The following MDFIC2 variants were observed in gnomAD, a reference collection of about 807,000 sequenced individuals.
The protein encoded by MDFIC2 is MyoD family inhibitor domain containing 2.
chr3:70,244,061 C>T (rs1701683310), intron 2 of MDFIC2, among the ~76,000 whole-genome samples: 2 of 152,166 alleles, frequency 1.3e-5, no homozygotes. Context: ...ACAGATTTTC[C>T]ACCGTAACTA....
At chr3:70,290,323 A>G (rs1004223007) in intron 2 of MDFIC2, among the ~76,000 whole-genome samples, 4 of 149,022 alleles carry the variant, frequency 2.7e-5, no homozygotes, top group South Asian at 2.2e-4. Flanking sequence ...CCTGCAGTGT[A>G]AGGTGTCAGT....
rs187697000 is a variant in MDFIC2, at chr3:70,306,575, A to T, written c.88+5311T>A. 2.7e-5 allele frequency among the ~76,000 whole-genome samples: 4 copies of T among 150,808 alleles called. 1 individual carries two copies. The highest frequency in any genetic ancestry group is 9.7e-5 in the African/African-American group (4 of 41,090). On this transcript the variant is annotated intron_variant, in intron 2 of 3. Coordinates refer to ENST00000567252, the MANE Select transcript of MDFIC2 (RefSeq NM_001364677.1). ...AAAGCTTGTTTATTGCCCATTCCCC[A>T]CCCCCTATTTTTTTTATCATTTTTT...
chr3:70,262,460 T>C (rs185863202), intron 2 of MDFIC2, among the ~76,000 whole-genome samples: 1 of 152,286 alleles, frequency 6.6e-6, no homozygotes, highest in Non-Finnish European at 1.5e-5. Flanking sequence ...ATAAGACCAG[T>C]TATAGTAAAT....
chr3:70,217,691 A>G (rs573310597), intron 2 of MDFIC2, among the ~76,000 whole-genome samples: 6 of 152,256 alleles, frequency 3.9e-5, no homozygotes, highest in Admixed American at 3.3e-4. Flanking sequence ...GTAATCTGAA[A>G]TCTCTTGCAT....
At chr3:70,304,820 A>G (rs1056035441) in intron 2 of MDFIC2, among the ~76,000 whole-genome samples, 1 of 152,206 alleles carries the variant, frequency 6.6e-6, no homozygotes, top group Non-Finnish European at 1.5e-5. Flanking sequence ...CGAAAAAAAT[A>G]TCCAGATTCC....
chr3:70,277,298 T>C (rs772824786), intron 2 of MDFIC2, among the ~76,000 whole-genome samples: 14 of 152,234 alleles, frequency 9.2e-5, no homozygotes, highest in African/African-American at 1.9e-4. Flanking sequence ...ATTTTGTTTA[T>C]TCTGAAACTA....
intron 2 of MDFIC2, among the ~76,000 whole-genome samples, chr3:70,224,468 C>T (rs1701486026): frequency 6.6e-6 from 1 of 152,198 alleles, no homozygotes; most frequent in Non-Finnish European, 1.5e-5. Flanking sequence ...AAGAAAAGCG[C>T]TTCATTCTCT....
chr3:70,310,538 G>A (rs1007932140), intron 2 of MDFIC2, among the ~76,000 whole-genome samples: 3 of 151,692 alleles, frequency 2.0e-5, no homozygotes, highest in South Asian at 2.1e-4. Context: ...ACTGATTTTT[G>A]TATTTTTAGT....
At chr3:70,306,992 T>A (rs35386450) in intron 2 of MDFIC2, among the ~76,000 whole-genome samples, 1 of 151,812 alleles carries the variant, frequency 6.6e-6, no homozygotes, top group Non-Finnish European at 1.5e-5. Context: ...TTTATATATA[T>A]AGAGAGAGAG....
At chr3:70,256,614 G>A (rs1359787601) in intron 2 of MDFIC2, among the ~76,000 whole-genome samples, 1 of 152,144 alleles carries the variant, frequency 6.6e-6, no homozygotes. Flanking sequence ...TAATGGGAAA[G>A]TAAAGTAAAT....
At chr3:70,234,450 A>G (rs1460486901) in intron 2 of MDFIC2, among the ~76,000 whole-genome samples, 1 of 151,942 alleles carries the variant, frequency 6.6e-6, no homozygotes, top group East Asian at 1.9e-4. Flanking sequence ...GGAGTTTGAG[A>G]CCAGCCTGGG....
intron 2 of MDFIC2, among the ~76,000 whole-genome samples, chr3:70,210,398 A>G (rs1701331715): frequency 6.6e-6 from 1 of 152,080 alleles, no homozygotes; most frequent in African/African-American, 2.4e-5. Flanking sequence ...TCTGACATAC[A>G]CACATTTGAG....
At chr3:70,306,437 T>C (rs1702401550) in intron 2 of MDFIC2, among the ~76,000 whole-genome samples, 1 of 152,190 alleles carries the variant, frequency 6.6e-6, no homozygotes, top group Non-Finnish European at 1.5e-5. Flanking sequence ...TCATCAAAGA[T>C]TGAAGTCGTC....
intron 2 of MDFIC2, among the ~76,000 whole-genome samples, chr3:70,258,511 C>A (rs1047640888): frequency 5.3e-5 from 8 of 152,066 alleles, no homozygotes; most frequent in African/African-American, 1.7e-4. Flanking sequence ...CTAGACTATC[C>A]AGTCACATGA....
At chr3:70,247,980 A>G (rs1701724092) in intron 2 of MDFIC2, among the ~76,000 whole-genome samples, 1 of 152,124 alleles carries the variant, frequency 6.6e-6, no homozygotes. Flanking sequence ...TAATGCTACA[A>G]TGATCAAAAT....
chr3:70,220,394 G>A (rs1277291788), intron 2 of MDFIC2, among the ~76,000 whole-genome samples: 1 of 151,764 alleles, frequency 6.6e-6, no homozygotes, highest in Non-Finnish European at 1.5e-5. Context: ...AGCTATGATG[G>A]CACCACTCCA....
chr3:70,206,484 T>C (rs1701291719), intron 3 of MDFIC2, 85 bp downstream of exon 3: 2 of 395,976 alleles, frequency 5.1e-6, no homozygotes, highest in Non-Finnish European at 8.9e-6. Flanking sequence ...GGACTTTTTT[T>C]TTCCTAACAG....
intron 2 of MDFIC2, among the ~76,000 whole-genome samples, chr3:70,229,221 G>A (rs2106743037): frequency 6.6e-6 from 1 of 152,284 alleles, no homozygotes; most frequent in East Asian, 1.9e-4. Flanking sequence ...GAGGAGGAAT[G>A]GTCAGGAAGC....
chr3:70,228,368 A>G (rs963586364), intron 2 of MDFIC2, among the ~76,000 whole-genome samples: 6 of 152,046 alleles, frequency 3.9e-5, no homozygotes, highest in Non-Finnish European at 7.4e-5. Flanking sequence ...CATCTTCAGG[A>G]TAGCTTTTCT....
Sources: allele counts gnomAD v4.1 joint callset (sites outside exome capture counted in the v4.1 genomes callset), GRCh38; gene constraint gnomAD v4.1.1; transcripts MANE v1.5; gene names NCBI Gene and HGNC (gene_info 2026-07-23, HGNC 2026-07-21).